EGFR: variants seen among roughly 807,000 people sequenced by gnomAD.
EGFR encodes the protein avian erythroblastic leukemia viral (v-erb-b) oncogene homolog.
A neutral mutation model predicts 143.0 loss-of-function variants in EGFR; 58 were observed. The ratio of observed to expected loss-of-function variants is 0.41; its 90% CI spans 0.33 to 0.50. EGFR has a LOEUF of 0.50. Among genes scored for constraint, EGFR ranks in the 20% least tolerant of loss-of-function variants. EGFR has a pLI of 0.39. For missense variants in EGFR, 1,307 were observed against 1,579.0 expected (o/e 0.83, Z 2.92); for synonymous variants, 613 against 594.4 (o/e 1.03, Z -0.45).
chr7:55,118,409 G>A (rs751009340), intron 1 of EGFR, among the ~76,000 whole-genome samples: 2 of 152,224 alleles, frequency 1.3e-5, no homozygotes, highest in Non-Finnish European at 2.9e-5. Context: ...GATTACTAGA[G>A]TAAGATAGGC....
At chr7:55,169,410 T>C (rs908328686) in intron 15 of EGFR, among the ~76,000 whole-genome samples, 2 of 152,234 alleles carry the variant, frequency 1.3e-5, no homozygotes, top group Non-Finnish European at 2.9e-5. Context: ...AATATCTATT[T>C]TTAAATGGAA....
intron 1 of EGFR, among the ~76,000 whole-genome samples, chr7:55,134,342 C>T (rs549162223): frequency 1.3e-5 from 2 of 150,826 alleles, no homozygotes; most frequent in East Asian, 2.0e-4. Flanking sequence ...CAGGACTCAG[C>T]GAGGCCCACC....
At chr7:55,128,556 C>A (rs948818281) in intron 1 of EGFR, among the ~76,000 whole-genome samples, 1 of 152,198 alleles carries the variant, frequency 6.6e-6, no homozygotes, top group African/African-American at 2.4e-5. Context: ...TTCTGTGACT[C>A]ACCCCTGCAA....
At chr7:55,054,258 C>T (rs1788658989) in intron 1 of EGFR, among the ~76,000 whole-genome samples, 1 of 152,240 alleles carries the variant, frequency 6.6e-6, no homozygotes, top group African/African-American at 2.4e-5. Context: ...GCCTATCATT[C>T]TACCTCTAAC....
Position 55,181,010 on chromosome 7 carries a change from C to T in EGFR, c.2284-283C>T. 3 of 552,780 alleles carry T rather than the reference C, an allele frequency of 5.4e-6. No homozygotes were observed. The South Asian group carries it at 6.2e-5, about 11-fold the overall frequency. The allele number at this position is 552,780 out of a possible 1,614,324, so 34.2% of individuals were successfully genotyped here. A position where few individuals can be genotyped will look rare whatever the true frequency, so the allele number is the denominator to read the frequency against. On this transcript the variant is annotated intron_variant, in intron 19 of 27. Transcript: ENST00000275493. ...CAGAGATCAGGTGACTCCGACTCCTCCTTTATCCAATGTGCTCCTCATGGC... is the reference window on the plus strand; with the variant it reads ...CAGAGATCAGGTGACTCCGACTCCTTCTTTATCCAATGTGCTCCTCATGGC...
chr7:55,020,559 T>C (rs1271109409), intron 1 of EGFR, among the ~76,000 whole-genome samples: 3 of 145,146 alleles, frequency 2.1e-5, no homozygotes, highest in South Asian at 2.2e-4. Context: ...AAACCTGTCT[T>C]ACACACACAC....
At chr7:55,122,328 C>T (rs985944898) in intron 1 of EGFR, among the ~76,000 whole-genome samples, 4 of 152,206 alleles carry the variant, frequency 2.6e-5, no homozygotes, top group African/African-American at 9.6e-5. Context: ...AGCCTCACAT[C>T]GTTAGTGTTC....
chr7:55,159,231 C>T (rs1050294615), intron 11 of EGFR, among the ~76,000 whole-genome samples: 1 of 152,078 alleles, frequency 6.6e-6, no homozygotes. Context: ...TTCTCACACC[C>T]ATCGTGGTCC....
chr7:55,174,516 A>G (rs1410308258), intron 18 of EGFR, among the ~76,000 whole-genome samples: 1 of 152,242 alleles, frequency 6.6e-6, no homozygotes, highest in Non-Finnish European at 1.5e-5. Context: ...TTATCTAAAT[A>G]ATCAGTGTGA....
At position 55,202,509 on chromosome 7, in the gene EGFR, T is replaced by C. The variant is rs1167611823; in HGVS notation, c.3163-8T>C. On this transcript the variant is annotated splice_region_variant and splice_polypyrimidine_tract_variant and intron_variant, in intron 26 of 27. Coordinates refer to ENST00000275493, the MANE Select transcript of EGFR (RefSeq NM_005228.5). ...ACCGGAGTAACCTTCCCTCATTTCC[T>C]CCTGCAGCTGCAAAGCTGTCCCATC... is the stretch of plus-strand genomic sequence containing the variant. 5.6e-6 allele frequency: 9 copies of C among 1,600,502 alleles called. No individual in the cohort carries two copies. The highest frequency in any genetic ancestry group is 1.7e-6 in the Non-Finnish European group (2 of 1,173,560).
intron 1 of EGFR, among the ~76,000 whole-genome samples, chr7:55,031,174 G>A (rs1269402562): frequency 6.6e-6 from 1 of 152,204 alleles, no homozygotes; most frequent in African/African-American, 2.4e-5. Flanking sequence ...GGTGCTGCAG[G>A]TTTAGAGAGG....
chr7:55,068,963 C>G (rs1461932980), intron 1 of EGFR, among the ~76,000 whole-genome samples: 1 of 152,164 alleles, frequency 6.6e-6, no homozygotes, highest in African/African-American at 2.4e-5. Flanking sequence ...GGAGGTCTTG[C>G]TTTACTATTG....
At position 55,028,025 on chromosome 7, in the gene EGFR, T is replaced by C. The variant is rs1228728918; in HGVS notation, c.88+8660T>C. ...ATATATATATATATATATATATATA[T>C]ACACACACACACACATATGGAGGTA... is the stretch of plus-strand genomic sequence containing the variant. On this transcript the variant is annotated intron_variant, in intron 1 of 27. Transcript: ENST00000275493. 6.2e-3 allele frequency among the ~76,000 whole-genome samples: 634 copies of C among 101,578 alleles called. 6 individuals are homozygous for C. Among genetic ancestry groups the C allele is most frequent in the Middle Eastern group, 0.015 (3 of 194 alleles). 66.6% of individuals were successfully genotyped at this position (101,578 alleles called of 152,430 possible).
intron 1 of EGFR, among the ~76,000 whole-genome samples, chr7:55,129,913 AAGCACAACCTGTGGGTCACGCCT>A (rs1793737432): frequency 6.6e-6 from 1 of 152,176 alleles, no homozygotes; most frequent in Admixed American, 6.5e-5. Context: ...GGGGCTGGCA[AAGCACAACCTGTGGGTCACGCCT>A]AGCCTGCCAC....
chr7:55,115,049 T>C (rs1792753219), intron 1 of EGFR, among the ~76,000 whole-genome samples: 1 of 152,072 alleles, frequency 6.6e-6, no homozygotes, highest in Non-Finnish European at 1.5e-5. Context: ...GCCGGGCTAA[T>C]TTTTTGTATT....
chr7:55,100,536 A>T (rs2128900905), intron 1 of EGFR, among the ~76,000 whole-genome samples: 1 of 152,312 alleles, frequency 6.6e-6, no homozygotes, highest in Admixed American at 6.5e-5. Flanking sequence ...TTTCTAAGTT[A>T]TCTAAGAGCT....
chr7:55,059,903 A>G (rs1469214049), intron 1 of EGFR, among the ~76,000 whole-genome samples: 1 of 151,996 alleles, frequency 6.6e-6, no homozygotes, highest in African/African-American at 2.4e-5. Context: ...TCTGACCCAG[A>G]TAAGGGCTGG....
chr7:55,157,079 A>ACCAAGGCAGCTG, intron 10 of EGFR: 1 of 956,810 alleles, frequency 1.0e-6, no homozygotes, highest in Non-Finnish European at 1.5e-6. Flanking sequence ...GGCCCCAGCC[A>ACCAAGGCAGCTG]GCTGCCTTGG....
At position 55,173,914 on chromosome 7, in the gene EGFR, C is replaced by G. The variant is rs184220351; in HGVS notation, c.2062-7C>G. The G allele has an allele frequency of 1.5e-4, 237 of 1,614,216 alleles. No individual in the cohort carries two copies. The highest frequency in any genetic ancestry group is 1.9e-4 in the Non-Finnish European group (221 of 1,180,024). On this transcript the variant is annotated splice_region_variant and splice_polypyrimidine_tract_variant and intron_variant, in intron 17 of 27. Coordinates refer to ENST00000275493, the MANE Select transcript of EGFR (RefSeq NM_005228.5). ...GACCCTTGTCTCTGTGTTCTTGTCCCCCCCAGCTTGTGGAGCCTCTTACAC... is the reference window on the plus strand; with the variant it reads ...GACCCTTGTCTCTGTGTTCTTGTCCGCCCCAGCTTGTGGAGCCTCTTACAC...
Sources: allele counts gnomAD v4.1 joint callset (sites outside exome capture counted in the v4.1 genomes callset), GRCh38; gene constraint gnomAD v4.1.1; transcripts MANE v1.5; gene names NCBI Gene and HGNC (gene_info 2026-07-23, HGNC 2026-07-21).